KCNT2: variants seen among roughly 807,000 people sequenced by gnomAD.
The protein encoded by KCNT2 is potassium sodium-activated channel subfamily T member 2.
Under a neutral mutation model 153.8 loss-of-function variants are expected in KCNT2, and 67 were observed. That is an observed-to-expected ratio of 0.44 (90% confidence interval 0.36 to 0.53). The LOEUF (loss-of-function observed/expected upper bound fraction) is 0.53. Among genes scored for constraint, KCNT2 ranks in the 20% least tolerant of loss-of-function variants. The pLI is 0.00. For synonymous variants in KCNT2, 500 were observed against 458.8 expected, an observed-to-expected ratio of 1.09 and a Z score of -1.15; for missense variants, 975 against 1,354.8, an observed-to-expected ratio of 0.72 and a Z score of 4.40.
Position 196,288,968 on chromosome 1 carries a change from T to G in KCNT2, c.2596-3210A>C, listed in dbSNP as rs535405797. On this transcript the variant is annotated intron_variant, in intron 22 of 27. Transcript: ENST00000294725. ...GATCTTTTACAAGTTACTTAAGCTC[T>G]CTGTTCCTCAGTTTTATAACTGTGA... 3.9e-5 allele frequency among the ~76,000 whole-genome samples: 6 copies of G among 152,264 alleles called. No homozygotes were observed. The South Asian group carries it at 1.2e-3, about 32-fold the overall frequency.
chr1:196,353,302 A>T (rs774755666), intron 14 of KCNT2, among the ~76,000 whole-genome samples: 1 of 151,904 alleles, frequency 6.6e-6, no homozygotes, highest in African/African-American at 2.4e-5. Flanking sequence ...TTTGGACCTC[A>T]TCTCACTGGG....
At chr1:196,286,527 G>T (rs1003256593) in intron 22 of KCNT2, among the ~76,000 whole-genome samples, 2 of 151,882 alleles carry the variant, frequency 1.3e-5, no homozygotes, top group Non-Finnish European at 2.9e-5. Context: ...ACATCCAGTA[G>T]TCTCTAGCTG....
chr1:196,557,834 A>G (rs1247267289), intron 1 of KCNT2, among the ~76,000 whole-genome samples: 1 of 151,470 alleles, frequency 6.6e-6, no homozygotes, highest in Non-Finnish European at 1.5e-5. Context: ...AGTTATTTAC[A>G]TCTTTTAAAT....
At chr1:196,462,907 C>T (rs1677279069) in intron 8 of KCNT2, among the ~76,000 whole-genome samples, 1 of 151,564 alleles carries the variant, frequency 6.6e-6, no homozygotes, top group Non-Finnish European at 1.5e-5. Flanking sequence ...CCCAGCTAGA[C>T]AATGTTTTTG....
At chr1:196,537,347 GCATTAGT>G (rs1363375259) in intron 1 of KCNT2, among the ~76,000 whole-genome samples, 7 of 152,190 alleles carry the variant, frequency 4.6e-5, no homozygotes, top group African/African-American at 1.4e-4. Context: ...GGAAAAGAAT[GCATTAGT>G]CATGTCCACT....
chr1:196,229,135 G>T (rs959754815), intron 27 of KCNT2, among the ~76,000 whole-genome samples: 2 of 151,964 alleles, frequency 1.3e-5, no homozygotes, highest in African/African-American at 4.8e-5. Flanking sequence ...CTTTTGACTT[G>T]ATTGCACTTT....
intron 3 of KCNT2, among the ~76,000 whole-genome samples, chr1:196,487,524 T>G (rs1307392066): frequency 1.3e-5 from 2 of 151,724 alleles, no homozygotes; most frequent in African/African-American, 4.8e-5. Flanking sequence ...ACACCAGTAT[T>G]AGACTCCAGT....
intron 1 of KCNT2, among the ~76,000 whole-genome samples, chr1:196,574,910 C>T (rs1661179277): frequency 6.6e-6 from 1 of 151,932 alleles, no homozygotes; most frequent in South Asian, 2.1e-4. Flanking sequence ...GATATTTCTC[C>T]CTGTTTTCAA....
At chr1:196,527,831 CAG>C (rs1214506422) in intron 1 of KCNT2, among the ~76,000 whole-genome samples, 1 of 152,194 alleles carries the variant, frequency 6.6e-6, no homozygotes, top group African/African-American at 2.4e-5. Flanking sequence ...CACACAGTGA[CAG>C]AGCAAGAATT....
chr1:196,392,890 C>T (rs1670607008), intron 13 of KCNT2, among the ~76,000 whole-genome samples: 1 of 151,386 alleles, frequency 6.6e-6, no homozygotes, highest in Non-Finnish European at 1.5e-5. Flanking sequence ...GGACTTTTAA[C>T]TTCTTATTGT....
At chr1:196,401,307 T>C (rs1671396542) in intron 12 of KCNT2, among the ~76,000 whole-genome samples, 1 of 151,792 alleles carries the variant, frequency 6.6e-6, no homozygotes, top group African/African-American at 2.4e-5. Context: ...GCAGTATTAT[T>C]CAATTTATGA....
Position 196,563,845 on chromosome 1 carries a change from T to C in KCNT2, c.95+44370A>G, listed in dbSNP as rs370696332. 5.3e-5 allele frequency among the ~76,000 whole-genome samples: 8 copies of C among 151,842 alleles called. No homozygotes were observed. In the East Asian group the frequency reaches 7.7e-4, roughly 15 times the overall value. On this transcript the variant is annotated intron_variant, in intron 1 of 27. Transcript: ENST00000294725. The stretch of plus-strand genomic sequence containing the variant: ...ATAATAAAAGTATCAAGAAAGTACA[T>C]GTAGAATAAACCTTAACACAATAAA...
At chr1:196,454,919 A>G (rs1676525042) in intron 8 of KCNT2, among the ~76,000 whole-genome samples, 2 of 152,108 alleles carry the variant, frequency 1.3e-5, no homozygotes, top group East Asian at 1.9e-4. Context: ...CTAGGGGAGA[A>G]TCTGCTTCCA....
intron 1 of KCNT2, among the ~76,000 whole-genome samples, chr1:196,541,446 G>A (rs1656355166): frequency 6.6e-6 from 1 of 151,722 alleles, no homozygotes; most frequent in Admixed American, 6.6e-5. Flanking sequence ...TAATGAATAG[G>A]AATGTTTTAT....
At chr1:196,511,244 TATCAC>T (rs1681604067) in intron 1 of KCNT2, among the ~76,000 whole-genome samples, 2 of 151,920 alleles carry the variant, frequency 1.3e-5, no homozygotes, top group African/African-American at 2.4e-5. Flanking sequence ...AGAAATAAGC[TATCAC>T]TGAAGCTACT....
intron 12 of KCNT2, among the ~76,000 whole-genome samples, chr1:196,406,714 G>A (rs1671861927): frequency 6.6e-6 from 1 of 151,420 alleles, no homozygotes; most frequent in Non-Finnish European, 1.5e-5. Context: ...GGATTTAACA[G>A]TATATCTGGG....
chr1:196,248,225 A>G (rs192663318), intron 26 of KCNT2, among the ~76,000 whole-genome samples: 2 of 152,202 alleles, frequency 1.3e-5, no homozygotes, highest in East Asian at 3.9e-4. Flanking sequence ...CAACCAAATG[A>G]TGCATCTTAA....
chr1:196,411,446 T>TAAAAAAAAAAAAAAA (rs35196093), intron 12 of KCNT2, among the ~76,000 whole-genome samples: 2 of 96,324 alleles, frequency 2.1e-5, no homozygotes, highest in Non-Finnish European at 4.1e-5. Context: ...CTATTCCAGT[T>TAAAAAAAAAAAAAAA]AAAAAAAAAA....
At chr1:196,589,046 T>C (rs1430344135) in intron 1 of KCNT2, among the ~76,000 whole-genome samples, 1 of 151,894 alleles carries the variant, frequency 6.6e-6, no homozygotes, top group East Asian at 1.9e-4. Flanking sequence ...AACACCTAAT[T>C]AAATAAACAC....
Sources: gnomAD v4.1 joint callset for allele counts (sites outside exome capture counted in the v4.1 genomes callset) on GRCh38, gnomAD v4.1.1 for gene constraint, MANE v1.5 for transcripts, NCBI Gene and HGNC (gene_info 2026-07-23, HGNC 2026-07-21) for gene names.